The following CGNL1 variants were observed in gnomAD, a reference collection of about 807,000 sequenced individuals.
The protein encoded by CGNL1 is cingulin like 1.
In CGNL1, 132 loss-of-function variants were observed where a neutral mutation model predicts 141.2. That is an observed-to-expected ratio of 0.93 (90% CI 0.81 to 1.08). CGNL1 has a LOEUF of 1.08. Among genes scored for constraint, CGNL1 ranks in the 50% least tolerant of loss-of-function variants. The probability of loss-of-function intolerance (pLI) is 0.00; values close to 1 mark genes in which losing one functional copy is unlikely to be tolerated. For missense variants in CGNL1, 1,870 were observed against 1,588.6 expected (o/e 1.18, Z -3.01); for synonymous variants, 690 against 622.1 (o/e 1.11, Z -1.63).
chr15:57,501,867 A>ACTG (rs2064029825), intron 8 of CGNL1, among the ~76,000 whole-genome samples: 1 of 152,146 alleles, frequency 6.6e-6, no homozygotes, highest in Non-Finnish European at 1.5e-5. Flanking sequence ...AGCGGCACTC[A>ACTG]CAGGGGGGAA....
chr15:57,521,885 G>T (rs986734727), intron 10 of CGNL1, among the ~76,000 whole-genome samples: 3 of 152,038 alleles, frequency 2.0e-5, no homozygotes, highest in Non-Finnish European at 4.4e-5. Flanking sequence ...GATCCTGAAG[G>T]TTCTACAGGA....
At chr15:57,386,901 G>C (rs574887374) in intron 1 of CGNL1, among the ~76,000 whole-genome samples, 1 of 152,070 alleles carries the variant, frequency 6.6e-6, no homozygotes, top group East Asian at 1.9e-4. Flanking sequence ...GGATCTTTCT[G>C]GTTCTTGGTA....
chr15:57,461,314 C>T (rs529218655), intron 7 of CGNL1, among the ~76,000 whole-genome samples: 6 of 152,238 alleles, frequency 3.9e-5, no homozygotes, highest in African/African-American at 7.2e-5. Context: ...GGCGTGCCCC[C>T]GTGAAGCAAC....
chr15:57,502,797 T>C (rs1277688681), intron 8 of CGNL1, among the ~76,000 whole-genome samples: 1 of 152,234 alleles, frequency 6.6e-6, no homozygotes, highest in African/African-American at 2.4e-5. Context: ...TAATCAATGG[T>C]GGATACTTCA....
At chr15:57,546,344 A>G (rs1438059861) in intron 18 of CGNL1, 105 bp downstream of exon 18, 2 of 1,340,404 alleles carry the variant, frequency 1.5e-6, no homozygotes, top group East Asian at 5.1e-5. Flanking sequence ...CCAGCTCCTC[A>G]TTGTTGCTTT....
intron 10 of CGNL1, 34 bp from the exon 11 acceptor site, chr15:57,523,455 G>A: frequency 6.2e-7 from 1 of 1,612,090 alleles, no homozygotes; most frequent in Non-Finnish European, 8.5e-7. Flanking sequence ...CTGGTTAGTA[G>A]GTGACAGCAC....
chr15:57,494,636 G>C (rs181113232), intron 8 of CGNL1, among the ~76,000 whole-genome samples: 1 of 152,288 alleles, frequency 6.6e-6, no homozygotes, highest in Admixed American at 6.5e-5. Context: ...GGGGCTAAAT[G>C]GTCCCGATTC....
rs187612800 is a variant in CGNL1, at chr15:57,436,660, T to G, written c.-15-1325T>G. Among the ~76,000 whole-genome samples the G allele has an allele frequency of 1.3e-3, 196 of 151,846 alleles. 4 individuals carry two copies. In the East Asian group the frequency reaches 0.029, roughly 22 times the overall value. On this transcript the variant is annotated intron_variant, in intron 1 of 18. Transcript: ENST00000281282. ...AGCGTCCAAGTCAAGGAGTCAGAAA[T>G]AGAACAACAAAATAAAACAAAGGAA...
chr15:57,502,958 A>G (rs1488828006), intron 8 of CGNL1, among the ~76,000 whole-genome samples: 6 of 152,184 alleles, frequency 3.9e-5, no homozygotes, highest in African/African-American at 1.4e-4. Context: ...CCTTCTATTT[A>G]GTCCACTTTC....
At chr15:57,432,747 C>T (rs778752651) in intron 1 of CGNL1, among the ~76,000 whole-genome samples, 21 of 152,214 alleles carry the variant, frequency 1.4e-4, no homozygotes, top group Non-Finnish European at 2.4e-4. Context: ...AGGAAATCCA[C>T]ATTTGCTTAA....
chr15:57,521,514 A>G (rs2031252604), intron 10 of CGNL1, among the ~76,000 whole-genome samples: 1 of 152,220 alleles, frequency 6.6e-6, no homozygotes, highest in Non-Finnish European at 1.5e-5. Context: ...ACATACCCAG[A>G]TAGACAGAAA....
chr15:57,461,601 C>G, intron 7 of CGNL1, 79 bp from the exon 8 acceptor site: 2 of 1,215,526 alleles, frequency 1.6e-6, no homozygotes, highest in Non-Finnish European at 2.4e-6. Flanking sequence ...CACATGGGGA[C>G]TGAACTGGAG....
chr15:57,402,162 G>A (rs548485029), intron 1 of CGNL1: 3 of 152,358 alleles, frequency 2.0e-5, no homozygotes, highest in East Asian at 1.9e-4. Context: ...GGTCATGGGA[G>A]TAGATCCCTC....
chr15:57,485,918 T>C (rs2063779662), intron 8 of CGNL1, among the ~76,000 whole-genome samples: 1 of 152,202 alleles, frequency 6.6e-6, no homozygotes, highest in Admixed American at 6.5e-5. Flanking sequence ...TGGTGCCCAG[T>C]CTCACTAACC....
At position 57,547,393 on chromosome 15, in the gene CGNL1, A is replaced by C. The variant is rs2032926122; in HGVS notation, c.3812A>C (p.Asp1271Ala). The C allele has an allele frequency of 6.2e-7, 1 of 1,614,108 alleles. No individual in the cohort carries two copies. Among genetic ancestry groups the C allele is most frequent in the South Asian group, 1.1e-5 (1 of 91,080 alleles). ...CCGAGTAAAGTGCTGGATGACATGG[A>C]TGACGACGATGACCTCAGCACGGAT... Reference protein sequence around the residue: ...KLPSKVLDDMDDDDDLSTDGG... With the variant: ...KLPSKVLDDMADDDDLSTDGG... The change falls in exon 19 of 19, where the codon GAT becomes GCT. Residue 1271 changes from aspartate (D) to alanine (A), a missense_variant. Physicochemically the swap from Asp to Ala is moderately radical, Grantham distance 126. Coordinates refer to ENST00000281282, the MANE Select transcript of CGNL1 (RefSeq NM_032866.5).
chr15:57,474,477 G>T (rs997416858), intron 8 of CGNL1, among the ~76,000 whole-genome samples: 1 of 152,118 alleles, frequency 6.6e-6, no homozygotes. Context: ...TGAAGGAGGG[G>T]TGTCTTGTCC....
chr15:57,427,579 A>C (rs1262452932), intron 1 of CGNL1, among the ~76,000 whole-genome samples: 1 of 152,252 alleles, frequency 6.6e-6, no homozygotes, highest in African/African-American at 2.4e-5. Context: ...TTCCCTGATG[A>C]GGACAAAGAT....
At chr15:57,457,099 A>T (rs1260469136) in intron 7 of CGNL1, among the ~76,000 whole-genome samples, 1 of 152,130 alleles carries the variant, frequency 6.6e-6, no homozygotes, top group Non-Finnish European at 1.5e-5. Flanking sequence ...TTTGTCAGCT[A>T]CCGTTGCTAT....
At chr15:57,387,624 T>G (rs780684821) in intron 1 of CGNL1, among the ~76,000 whole-genome samples, 16 of 152,152 alleles carry the variant, frequency 1.1e-4, no homozygotes, top group Admixed American at 6.5e-4. Flanking sequence ...TAAAAACAAG[T>G]GTCTGGAAAA....
Sources: gnomAD v4.1 joint callset for allele counts (sites outside exome capture counted in the v4.1 genomes callset) on GRCh38, gnomAD v4.1.1 for gene constraint, MANE v1.5 for transcripts, NCBI Gene and HGNC (gene_info 2026-07-23, HGNC 2026-07-21) for gene names.